Variants in PHLDB2 observed in about 807,000 individuals in gnomAD.
PHLDB2 encodes the protein pleckstrin homology like domain family B member 2.
Under a neutral mutation model 123.6 loss-of-function variants are expected in PHLDB2, and 71 were observed. The observed-to-expected ratio is 0.57, with a 90% CI of 0.47 to 0.70. The LOEUF is 0.70. Among genes scored for constraint, PHLDB2 ranks in the 30% least tolerant of loss-of-function variants. PHLDB2 has a pLI of 0.00. For missense variants in PHLDB2, 1,446 were observed against 1,519.5 expected (o/e 0.95, Z 0.80); for synonymous variants, 547 against 541.6 (o/e 1.01, Z -0.14).
At chr3:111,825,815 A>G (rs1259484620) in intron 1 of PHLDB2, among the ~76,000 whole-genome samples, 4 of 152,118 alleles carry the variant, frequency 2.6e-5, no homozygotes, top group Non-Finnish European at 4.4e-5. Context: ...TTTAATTTGA[A>G]TCTTCTTAAT....
At chr3:111,908,175 C>G (rs1483221395) in intron 2 of PHLDB2, among the ~76,000 whole-genome samples, 1 of 152,156 alleles carries the variant, frequency 6.6e-6, no homozygotes, top group Admixed American at 6.5e-5. Flanking sequence ...GTGGCCCACT[C>G]TACCCTAAAC....
intron 2 of PHLDB2, among the ~76,000 whole-genome samples, chr3:111,896,405 C>G (rs769865208): frequency 6.6e-6 from 1 of 151,456 alleles, no homozygotes; most frequent in Non-Finnish European, 1.5e-5. Context: ...AGTGCAGTGG[C>G]GTGATCTCAG....
At chr3:111,758,365 G>A (rs1170888227) in intron 1 of PHLDB2, among the ~76,000 whole-genome samples, 2 of 152,190 alleles carry the variant, frequency 1.3e-5, no homozygotes, top group Non-Finnish European at 2.9e-5. Context: ...AGACTGCTGT[G>A]CTAGCAATCA....
intron 1 of PHLDB2, among the ~76,000 whole-genome samples, chr3:111,872,171 C>T (rs962208950): frequency 2.0e-5 from 3 of 152,214 alleles, no homozygotes; most frequent in African/African-American, 7.2e-5. Flanking sequence ...TCGCTTCTCC[C>T]AGCCCATTCT....
At chr3:111,962,950 G>C (rs754507749) in intron 13 of PHLDB2, among the ~76,000 whole-genome samples, 9 of 137,166 alleles carry the variant, frequency 6.6e-5, no homozygotes, top group Non-Finnish European at 1.5e-4. Context: ...AAAAAAAAAA[G>C]AAAGAAAGAA....
At chr3:111,947,127 G>A (rs1688042520) in intron 9 of PHLDB2, among the ~76,000 whole-genome samples, 4 of 152,172 alleles carry the variant, frequency 2.6e-5, no homozygotes, top group South Asian at 2.1e-4. Flanking sequence ...TAAGAGGGAA[G>A]ATTTGGAGTT....
chr3:111,801,786 T>C (rs901078321), intron 1 of PHLDB2, among the ~76,000 whole-genome samples: 4 of 152,188 alleles, frequency 2.6e-5, no homozygotes, highest in Admixed American at 6.5e-5. Context: ...ATGTGTGGAA[T>C]AGTCAAGTCT....
At chr3:111,855,331 C>G (rs1027711657), upstream of PHLDB2, among the ~76,000 whole-genome samples, 3 of 152,100 alleles carry the variant, frequency 2.0e-5, no homozygotes, top group African/African-American at 4.8e-5. Flanking sequence ...AGGCAGGACT[C>G]TGGTCTGTGA....
chr3:111,844,235 G>GA (rs1040417491), intron 1 of PHLDB2, among the ~76,000 whole-genome samples: 47 of 150,706 alleles, frequency 3.1e-4, no homozygotes, highest in Non-Finnish European at 5.8e-4. Flanking sequence ...CTCCCATTTT[G>GA]AAAAAAAACA....
At chr3:111,836,249 C>T (rs1169107515) in intron 1 of PHLDB2, among the ~76,000 whole-genome samples, 7 of 152,114 alleles carry the variant, frequency 4.6e-5, no homozygotes, top group Non-Finnish European at 1.0e-4. Flanking sequence ...AGTTATGAGC[C>T]AAACGGAAGT....
rs781394547 is a variant in PHLDB2 at position 111,939,483 on chromosome 3, C to T, written c.2139C>T (p.Asp713=). The T allele has an allele frequency of 5.0e-6, 8 of 1,611,854 alleles. No homozygotes were observed. The highest frequency in any genetic ancestry group is 6.8e-6 in the Non-Finnish European group (8 of 1,179,340). The change falls in exon 7 of 18, where the codon GAC becomes GAT. Residue 713 remains aspartate (D), a synonymous_variant. Transcript: ENST00000431670. The part of the protein sequence containing the change: ...QLQQQLKRDA[D]LLDVESKHFE... ...TTCACTTTTCTCCAAAGGATGCTGACCTGTTGGATGTTGAAAGCAAACACT... is the reference window on the plus strand; with the variant it reads ...TTCACTTTTCTCCAAAGGATGCTGATCTGTTGGATGTTGAAAGCAAACACT...
intron 12 of PHLDB2, chr3:111,958,316 T>C (rs986747520): frequency 2.0e-6 from 2 of 990,596 alleles, no homozygotes; most frequent in Non-Finnish European, 2.4e-6. Context: ...ACAGGCTGAA[T>C]TGTTAGAAAT....
chr3:111,766,225 G>A (rs1458959908), intron 1 of PHLDB2, among the ~76,000 whole-genome samples: 1 of 152,094 alleles, frequency 6.6e-6, no homozygotes, highest in Non-Finnish European at 1.5e-5. Flanking sequence ...TGGATCACTT[G>A]AGGCCAGGAG....
chr3:111,750,947 CAAAAAAAAAAA>C (rs34859598), intron 1 of PHLDB2, among the ~76,000 whole-genome samples: 22 of 117,712 alleles, frequency 1.9e-4, no homozygotes, highest in Non-Finnish European at 2.8e-4. Flanking sequence ...AACTCTGTCT[CAAAAAAAAAAA>C]AAAAAAAATT....
intron 1 of PHLDB2, among the ~76,000 whole-genome samples, chr3:111,746,185 G>A (rs1280040873): frequency 2.0e-5 from 3 of 152,184 alleles, no homozygotes; most frequent in African/African-American, 7.2e-5. Flanking sequence ...GCGAGTCAGT[G>A]ACAATTCAAG....
chr3:111,742,880 G>C (rs1379464902), intron 1 of PHLDB2, among the ~76,000 whole-genome samples: 1 of 152,178 alleles, frequency 6.6e-6, no homozygotes, highest in Admixed American at 6.5e-5. Flanking sequence ...TTGACACCTT[G>C]CTAAGGGATA....
At chr3:111,811,277 G>A (rs2061825184) in intron 1 of PHLDB2, among the ~76,000 whole-genome samples, 1 of 152,140 alleles carries the variant, frequency 6.6e-6, no homozygotes, top group Non-Finnish European at 1.5e-5. Flanking sequence ...GTGTTTGCAT[G>A]AAACAGAAAG....
chr3:111,888,327 C>T (rs2107352952), intron 2 of PHLDB2, among the ~76,000 whole-genome samples: 1 of 151,812 alleles, frequency 6.6e-6, no homozygotes, highest in Middle Eastern at 3.4e-3. Context: ...CTGGGAAAAC[C>T]TAAAAGTAGT....
At chr3:111,846,859 A>G (rs1381889466) in intron 2 of PHLDB2, among the ~76,000 whole-genome samples, 1 of 152,220 alleles carries the variant, frequency 6.6e-6, no homozygotes, top group Non-Finnish European at 1.5e-5. Flanking sequence ...CATGGAAAAT[A>G]AAACAGAAAC....
Sources: allele counts gnomAD v4.1 joint callset (sites outside exome capture counted in the v4.1 genomes callset), GRCh38; gene constraint gnomAD v4.1.1; transcripts MANE v1.5; gene names NCBI Gene and HGNC (gene_info 2026-07-23, HGNC 2026-07-21).